The following ATF7IP variants were observed in gnomAD, a reference collection of about 807,000 sequenced individuals.
ATF7IP encodes the protein activating transcription factor 7-interacting protein 1.
In ATF7IP, 23 loss-of-function variants were observed where a neutral mutation model predicts 106.4. That is an observed-to-expected ratio of 0.22 (90% CI 0.16 to 0.31). ATF7IP has a LOEUF of 0.31. Among genes scored for constraint, ATF7IP ranks in the 10% least tolerant of loss-of-function variants. The pLI, the probability that ATF7IP is intolerant of heterozygous loss-of-function variation, is 1.00. For missense variants in ATF7IP, 1,334 were observed against 1,524.3 expected (o/e 0.88, Z 2.08); for synonymous variants, 542 against 539.0 (o/e 1.01, Z -0.08).
chr12:14,403,987 C>CT (rs1466715794), intron 1 of ATF7IP, among the ~76,000 whole-genome samples: 5 of 151,994 alleles, frequency 3.3e-5, no homozygotes, highest in Non-Finnish European at 5.9e-5. Context: ...AAGGCATACT[C>CT]TTTTTTCCCC....
intron 9 of ATF7IP, among the ~76,000 whole-genome samples, chr12:14,463,158 A>C (rs984361204): frequency 2.6e-5 from 4 of 152,108 alleles, no homozygotes; most frequent in Admixed American, 2.6e-4. Context: ...TACTACATTT[A>C]GTAGTTTGTG....
chr12:14,496,455 C>T (rs1357022868), intron 14 of ATF7IP, 112 bp downstream of exon 14: 1 of 643,458 alleles, frequency 1.6e-6, no homozygotes, highest in East Asian at 2.9e-5. Flanking sequence ...GTTAGGTCTT[C>T]CTGCTTTTTC....
intron 9 of ATF7IP, among the ~76,000 whole-genome samples, chr12:14,462,259 A>C (rs1489296477): frequency 6.6e-6 from 1 of 152,048 alleles, no homozygotes; most frequent in Non-Finnish European, 1.5e-5. Flanking sequence ...CTGCTACCAC[A>C]TTATTTTTTG....
intron 5 of ATF7IP, among the ~76,000 whole-genome samples, chr12:14,442,449 C>T (rs1447341516): frequency 1.3e-5 from 2 of 152,192 alleles, no homozygotes; most frequent in Non-Finnish European, 2.9e-5. Flanking sequence ...TATAGTAACA[C>T]TTAGCCAATC....
intron 6 of ATF7IP, among the ~76,000 whole-genome samples, chr12:14,452,099 T>A (rs936299120): frequency 4.6e-5 from 7 of 152,140 alleles, no homozygotes; most frequent in Non-Finnish European, 1.0e-4. Flanking sequence ...ATTATGTCCT[T>A]CATTGTCTGT....
At chr12:14,458,376 G>C (rs1003640364) in intron 8 of ATF7IP, among the ~76,000 whole-genome samples, 3 of 152,134 alleles carry the variant, frequency 2.0e-5, no homozygotes, top group African/African-American at 7.2e-5. Flanking sequence ...AAGAAATCCA[G>C]TCTTTTACAA....
intron 1 of ATF7IP, among the ~76,000 whole-genome samples, chr12:14,412,918 G>A (rs36029376): frequency 0.02 from 3,084 of 152,282 alleles, 34 homozygotes; most frequent in Middle Eastern, 0.031. Flanking sequence ...GGAGGCTGAG[G>A]CATGAGAATC....
intron 1 of ATF7IP, among the ~76,000 whole-genome samples, chr12:14,398,402 T>A (rs1166556248): frequency 6.6e-6 from 1 of 151,604 alleles, no homozygotes; most frequent in Non-Finnish European, 1.5e-5. Flanking sequence ...TTTTTTTATT[T>A]ATAAGGAGAT....
intron 1 of ATF7IP, among the ~76,000 whole-genome samples, chr12:14,410,777 A>G (rs10845994): frequency 0.33 from 49,666 of 152,008 alleles, 9,311 homozygotes; most frequent in Admixed American, 0.47. Flanking sequence ...AGGAAAAAAC[A>G]TAGTATATAT....
At chr12:14,372,559 A>C (rs1207267462) in intron 1 of ATF7IP, among the ~76,000 whole-genome samples, 3 of 152,100 alleles carry the variant, frequency 2.0e-5, no homozygotes, top group Non-Finnish European at 4.4e-5. Flanking sequence ...CTGGGAAATG[A>C]AGATGACTTA....
chr12:14,478,586 G>A, intron 12 of ATF7IP, 114 bp downstream of exon 12: 5 of 1,229,610 alleles, frequency 4.1e-6, no homozygotes, highest in Non-Finnish European at 5.7e-6. Context: ...GTTAATTTGA[G>A]GACTACAGTG....
At position 14,501,104 on chromosome 12, in the gene ATF7IP, T is replaced by G. The variant is rs1252612662; in HGVS notation, c.*3031T>G. 6.6e-6 allele frequency: 1 copy of G among 152,204 alleles called. No homozygotes were observed. The highest frequency in any genetic ancestry group is 2.4e-5 in the African/African-American group (1 of 41,454). 9.4% of individuals were successfully genotyped at this position (152,204 alleles called of 1,614,324 possible). On this transcript the variant is annotated 3_prime_UTR_variant, in exon 15 of 15. Transcript: ENST00000261168. Reference sequence around the variant, plus strand: ...TGATAGATGCTTTTTGTTTGGTTTGTTTCTTCTGGGAGAGAATGGAGGACT... The same window carrying G: ...TGATAGATGCTTTTTGTTTGGTTTGGTTCTTCTGGGAGAGAATGGAGGACT...
At chr12:14,480,956 A>C in intron 12 of ATF7IP, 47 bp from the exon 13 acceptor site, 1 of 1,556,318 alleles carries the variant, frequency 6.4e-7, no homozygotes, top group Non-Finnish European at 8.8e-7. Flanking sequence ...TGTTTGCTTA[A>C]CGTAGAATTT....
intron 1 of ATF7IP, among the ~76,000 whole-genome samples, chr12:14,391,474 C>T (rs1264758847): frequency 1.3e-5 from 2 of 152,180 alleles, no homozygotes; most frequent in Non-Finnish European, 2.9e-5. Flanking sequence ...GAAAAGATTA[C>T]TTCTGCTCTC....
chr12:14,494,305 A>G lies in ATF7IP; in HGVS notation c.3281-1926A>G, dbSNP rs1448808662. 4.3e-3 allele frequency among the ~76,000 whole-genome samples: 369 copies of G among 85,484 alleles called. 12 individuals carry two copies. The highest frequency in any genetic ancestry group is 0.021 in the African/African-American group (361 of 17,282). 56.1% of individuals were successfully genotyped at this position (85,484 alleles called of 152,430 possible). On this transcript the variant is annotated intron_variant, in intron 13 of 14. Transcript: ENST00000261168. ...ATAGAATATATATATATATATATATATATATATATATATATATATATATAT... is the reference window on the plus strand; with the variant it reads ...ATAGAATATATATATATATATATATGTATATATATATATATATATATATAT...
At chr12:14,401,714 C>CTTTTTTTTTT (rs3083699) in intron 1 of ATF7IP, among the ~76,000 whole-genome samples, 1 of 76,880 alleles carries the variant, frequency 1.3e-5, no homozygotes, top group African/African-American at 5.6e-5. Flanking sequence ...AGAGATTAAG[C>CTTTTTTTTTT]TTTTTTTTTT....
chr12:14,448,546 G>T (rs976799761), intron 6 of ATF7IP, among the ~76,000 whole-genome samples: 2 of 151,980 alleles, frequency 1.3e-5, no homozygotes, highest in Admixed American at 6.6e-5. Flanking sequence ...TTTTATTATT[G>T]TTACATCTGT....
chr12:14,473,104 A>T (rs147167104), intron 10 of ATF7IP, among the ~76,000 whole-genome samples: 6 of 152,240 alleles, frequency 3.9e-5, no homozygotes, highest in African/African-American at 1.4e-4. Flanking sequence ...TTTATAGTTA[A>T]TATAAGTATT....
Position 14,425,454 on chromosome 12 carries a change from A to C in ATF7IP, c.1539A>C (p.Gln513His). The C allele has an allele frequency of 6.4e-7, 1 of 1,557,308 alleles. No homozygotes were observed. The highest frequency in any genetic ancestry group is 8.7e-7 in the Non-Finnish European group (1 of 1,155,742). The change falls in exon 2 of 15, where the codon CAA (glutamine) becomes CAC (histidine). Residue 513 changes from glutamine (Q) to histidine (H), a missense_variant. Coordinates refer to ENST00000261168, the MANE Select transcript of ATF7IP (RefSeq NM_018179.5). Reference protein sequence around the residue: ...GEKDESEVISQNETCSPAEVE... With the variant: ...GEKDESEVISHNETCSPAEVE... ...AAGATGAGTCTGAAGTTATATCGCA[A>C]AATGAAACGTGCTCTCCAGGTTAGC...
Sources: allele counts gnomAD v4.1 joint callset (sites outside exome capture counted in the v4.1 genomes callset), GRCh38; gene constraint gnomAD v4.1.1; transcripts MANE v1.5; gene names NCBI Gene and HGNC (gene_info 2026-07-23, HGNC 2026-07-21).